Variants in ADGRL3 observed in about 807,000 individuals in gnomAD.
ADGRL3 encodes the protein adhesion G protein-coupled receptor L3, also known as calcium-independent alpha-latrotoxin receptor 3.
A neutral mutation model predicts 153.5 loss-of-function variants in ADGRL3; 62 were observed. That is an observed-to-expected ratio of 0.40 (90% CI 0.33 to 0.50). ADGRL3 has a LOEUF of 0.50. Ranked by LOEUF, ADGRL3 falls within the 20% of genes least tolerant of loss-of-function variation. The pLI is 0.47. For missense variants in ADGRL3, 1,641 were observed against 1,859.4 expected, an observed-to-expected ratio of 0.88 and a Z score of 2.16; for synonymous variants, 710 against 672.5, an observed-to-expected ratio of 1.06 and a Z score of -0.86.
chr4:61,528,554 A>G (rs2098590858), intron 4 of ADGRL3, among the ~76,000 whole-genome samples: 1 of 152,126 alleles, frequency 6.6e-6, no homozygotes, highest in Admixed American at 6.6e-5. Flanking sequence ...GGATTTATAT[A>G]GATTCAACAA....
intron 9 of ADGRL3, among the ~76,000 whole-genome samples, chr4:61,846,464 T>C (rs889189109): frequency 2.6e-5 from 4 of 152,176 alleles, no homozygotes; most frequent in African/African-American, 9.7e-5. Context: ...TTTACAGCCA[T>C]CTAGCCTTCT....
chr4:61,275,493 T>C (rs551617849), intron 1 of ADGRL3, among the ~76,000 whole-genome samples: 13 of 152,206 alleles, frequency 8.5e-5, no homozygotes, highest in Non-Finnish European at 1.6e-4. Context: ...CTAATCAACA[T>C]ACTATCTGAA....
Position 61,778,187 on chromosome 4 carries a change from T to TA in ADGRL3, c.1400-35619dup, listed in dbSNP as rs368975708. Reference sequence around the variant, plus strand: ...GTGTGTATAAGATACTGATGAAACATAAATGAATTCCATGCTTAGACTTGG... The same window carrying TA: ...GTGTGTATAAGATACTGATGAAACATAAAATGAATTCCATGCTTAGACTTGG... On this transcript the variant is annotated intron_variant, in intron 8 of 26. Transcript: ENST00000683033. Among the ~76,000 whole-genome samples, 206 of 152,296 alleles carry TA rather than the reference T, an allele frequency of 1.4e-3. 2 individuals are homozygous for TA. The highest frequency in any genetic ancestry group is 4.8e-3 in the African/African-American group (200 of 41,572).
intron 1 of ADGRL3, among the ~76,000 whole-genome samples, chr4:61,311,484 T>C (rs2095004145): frequency 6.6e-6 from 1 of 152,168 alleles, no homozygotes. Context: ...GAAGAAACAA[T>C]GTGATGAACG....
chr4:61,281,183 T>A (rs2093708506), intron 1 of ADGRL3, among the ~76,000 whole-genome samples: 1 of 123,898 alleles, frequency 8.1e-6, no homozygotes, highest in Non-Finnish European at 1.8e-5. Flanking sequence ...TTAAAAAAGG[T>A]AATAGTTTTT....
intron 9 of ADGRL3, among the ~76,000 whole-genome samples, chr4:61,841,385 G>A (rs1303974542): frequency 6.6e-6 from 1 of 152,104 alleles, no homozygotes; most frequent in Non-Finnish European, 1.5e-5. Flanking sequence ...ATCAGGTGAT[G>A]TTCAAGTCCA....
chr4:61,984,297 C>T (rs1284194556), intron 19 of ADGRL3, among the ~76,000 whole-genome samples: 1 of 151,918 alleles, frequency 6.6e-6, no homozygotes, highest in East Asian at 1.9e-4. Context: ...TAGAACTAGA[C>T]CCAGGACTAA....
Position 61,813,821 on chromosome 4 carries a change from A to G in ADGRL3, c.1412A>G (p.His471Arg). The G allele has an allele frequency of 6.3e-7, 1 of 1,580,450 alleles. No homozygotes were observed. Among genetic ancestry groups the G allele is most frequent in the Non-Finnish European group, 8.7e-7 (1 of 1,149,460 alleles). Residue 471 changes from histidine to arginine, a missense_variant, in exon 9 of 27, where the codon CAT becomes CGT. His to Arg is a conservative substitution (Grantham distance 29). Around this residue, in one of 5 missense-constraint regions of ADGRL3, gnomAD observed 734 missense variants for 797.0 expected, o/e 0.92. Coordinates refer to ENST00000683033, the MANE Select transcript of ADGRL3 (RefSeq NM_001387552.1). Reference sequence around the variant, plus strand: ...TTTGGGTCCACAGGGCAGGCACATCATGGACAAGTTTCATACATTTCTCCG... The same window carrying G: ...TTTGGGTCCACAGGGCAGGCACATCGTGGACAAGTTTCATACATTTCTCCG... ...PLDSRSGQAH[H>R]GQVSYISPPI...
chr4:62,009,244 C>A, intron 21 of ADGRL3, among the ~76,000 whole-genome samples: 1 of 152,080 alleles, frequency 6.6e-6, no homozygotes, highest in East Asian at 1.9e-4. Flanking sequence ...TGTGTAATTT[C>A]ATGAATTTAA....
rs112081588 is a variant in ADGRL3, at chr4:61,450,785, A to G, written c.-173-46336A>G. ...CCTTAAACATTTCGAACATCTATGAACAGCCATAATAAGATATATTTGAGA... is the reference window on the plus strand; with the variant it reads ...CCTTAAACATTTCGAACATCTATGAGCAGCCATAATAAGATATATTTGAGA... On this transcript the variant is annotated intron_variant, in intron 2 of 26. Coordinates refer to ENST00000683033, the MANE Select transcript of ADGRL3 (RefSeq NM_001387552.1). Among the ~76,000 whole-genome samples the G allele has an allele frequency of 1.5e-3, 231 of 152,278 alleles. 1 individual carries two copies. Among genetic ancestry groups the G allele is most frequent in the African/African-American group, 5.3e-3 (222 of 41,588 alleles).
chr4:61,914,360 G>C (rs1444640175), intron 13 of ADGRL3, among the ~76,000 whole-genome samples: 1 of 152,168 alleles, frequency 6.6e-6, no homozygotes, highest in Admixed American at 6.5e-5. Flanking sequence ...CAAAAGACAG[G>C]TTAACAAGAG....
chr4:61,740,813 G>C (rs2096572679), intron 8 of ADGRL3, among the ~76,000 whole-genome samples: 1 of 152,148 alleles, frequency 6.6e-6, no homozygotes, highest in South Asian at 2.1e-4. Context: ...GTTACCTGCT[G>C]TTCTGCTTCC....
chr4:61,962,913 G>A (rs1051643802), intron 17 of ADGRL3, among the ~76,000 whole-genome samples: 2 of 152,040 alleles, frequency 1.3e-5, no homozygotes, highest in African/African-American at 4.8e-5. Context: ...AGTTTATTTA[G>A]TAGTATAGAC....
At chr4:61,349,016 T>C (rs1475890368) in intron 1 of ADGRL3, among the ~76,000 whole-genome samples, 3 of 151,956 alleles carry the variant, frequency 2.0e-5, no homozygotes, top group Non-Finnish European at 4.4e-5. Context: ...GTCAAGGGGA[T>C]GTGGGAGGGG....
rs533405576 is a variant in ADGRL3 at position 62,073,403 on chromosome 4, G to A, written c.*2495G>A. On this transcript the variant is annotated 3_prime_UTR_variant, in exon 27 of 27. Coordinates refer to ENST00000683033, the MANE Select transcript of ADGRL3 (RefSeq NM_001387552.1). ...CACCACACTATGGCAATATTAGCAC[G>A]TCCAAGGCTTTTAACCCACCCGATA... 30 of 152,162 alleles carry A rather than the reference G, an allele frequency of 2.0e-4. No homozygotes were observed. Among genetic ancestry groups the A allele is most frequent in the South Asian group, 1.9e-3 (9 of 4,816 alleles). The allele number at this position is 152,162 out of a possible 1,614,324, so 9.4% of individuals were successfully genotyped here.
chr4:61,633,212 A>T (rs1421197514), intron 5 of ADGRL3, among the ~76,000 whole-genome samples: 2 of 136,140 alleles, frequency 1.5e-5, no homozygotes, highest in Non-Finnish European at 3.2e-5. Flanking sequence ...ACTTGATAAA[A>T]CTGTACCTGC....
At chr4:61,809,734 A>G (rs1259810465) in intron 8 of ADGRL3, among the ~76,000 whole-genome samples, 1 of 151,972 alleles carries the variant, frequency 6.6e-6, no homozygotes, top group Non-Finnish European at 1.5e-5. Context: ...CTCATTTATT[A>G]TGGTGTTTTA....
At chr4:61,489,973 T>C (rs889088074) in intron 2 of ADGRL3, among the ~76,000 whole-genome samples, 1 of 152,158 alleles carries the variant, frequency 6.6e-6, no homozygotes, top group African/African-American at 2.4e-5. Flanking sequence ...TTTATATTCC[T>C]TGGTATAGCC....
At chr4:61,558,622 A>G (rs970455089) in intron 4 of ADGRL3, among the ~76,000 whole-genome samples, 55 of 151,680 alleles carry the variant, frequency 3.6e-4, no homozygotes, top group African/African-American at 1.2e-3. Context: ...CTATCAATCA[A>G]TCATCTATCT....
Sources: allele counts gnomAD v4.1 joint callset (sites outside exome capture counted in the v4.1 genomes callset), GRCh38; gene constraint gnomAD v4.1.1; regional missense constraint gnomAD v4.1.1; transcripts MANE v1.5; gene names NCBI Gene and HGNC (gene_info 2026-07-23, HGNC 2026-07-21).